Variants in PCSK5 observed in about 807,000 individuals in gnomAD.
PCSK5 encodes prohormone convertase 5.
In PCSK5, 129 loss-of-function variants were observed where a neutral mutation model predicts 233.2. The ratio of observed to expected loss-of-function variants is 0.55; its 90% CI spans 0.48 to 0.64. The LOEUF is 0.64. Ranked by LOEUF, PCSK5 falls within the 30% of genes least tolerant of loss-of-function variation. The pLI, the probability that PCSK5 is intolerant of heterozygous loss-of-function variation, is 0.00. For synonymous variants in PCSK5, 825 were observed against 879.2 expected, an observed-to-expected ratio of 0.94 and a Z score of 1.09; for missense variants, 2,076 against 2,430.1, an observed-to-expected ratio of 0.85 and a Z score of 3.06.
At chr9:76,108,667 C>T (rs932522070) in intron 9 of PCSK5, among the ~76,000 whole-genome samples, 16 of 152,162 alleles carry the variant, frequency 1.1e-4, no homozygotes, top group Non-Finnish European at 1.9e-4. Flanking sequence ...GCAGGGAAAT[C>T]GCTTGCACCC....
intron 1 of PCSK5, among the ~76,000 whole-genome samples, chr9:75,919,135 C>CA (rs766807387): frequency 6.6e-6 from 1 of 152,198 alleles, no homozygotes; most frequent in Non-Finnish European, 1.5e-5. Flanking sequence ...CCTCACCTCT[C>CA]ACCTCTCACC....
chr9:76,287,748 C>G (rs549631116), intron 24 of PCSK5: 1 of 164,298 alleles, frequency 6.1e-6, no homozygotes, highest in African/African-American at 2.4e-5. Context: ...CATGAGCCAC[C>G]GCGCCCGGCC....
At chr9:76,185,040 G>A (rs937438576) in intron 17 of PCSK5, among the ~76,000 whole-genome samples, 1 of 152,202 alleles carries the variant, frequency 6.6e-6, no homozygotes, top group Non-Finnish European at 1.5e-5. Context: ...GGCATTCTTT[G>A]TGCTTTTTAA....
At chr9:76,282,291 A>G (rs1381345729) in intron 24 of PCSK5, among the ~76,000 whole-genome samples, 1 of 119,724 alleles carries the variant, frequency 8.4e-6, no homozygotes. Context: ...CCAATTTTTT[A>G]TTTTATTTCC....
At chr9:76,235,099 C>A (rs1264111499) in intron 22 of PCSK5, among the ~76,000 whole-genome samples, 1 of 152,128 alleles carries the variant, frequency 6.6e-6, no homozygotes, top group Non-Finnish European at 1.5e-5. Flanking sequence ...TACCTTGTTT[C>A]TGCTGTATTT....
intron 34 of PCSK5, among the ~76,000 whole-genome samples, chr9:76,335,408 A>G (rs560713244): frequency 4.6e-5 from 7 of 152,348 alleles, no homozygotes; most frequent in African/African-American, 1.4e-4. Flanking sequence ...TCAGTGTTCC[A>G]CATGCTTGGC....
chr9:76,185,213 C>T (rs1369694376), intron 17 of PCSK5, among the ~76,000 whole-genome samples: 1 of 152,188 alleles, frequency 6.6e-6, no homozygotes, highest in African/African-American at 2.4e-5. Context: ...GGCTTGGTTC[C>T]ATTATGCTAT....
At chr9:76,070,939 T>G (rs1002446110) in intron 6 of PCSK5, among the ~76,000 whole-genome samples, 10 of 152,200 alleles carry the variant, frequency 6.6e-5, no homozygotes, top group African/African-American at 2.4e-4. Context: ...GAAGGAGAGA[T>G]ATGTTTACTT....
At chr9:76,103,702 A>AG (rs1291267241) in intron 8 of PCSK5, among the ~76,000 whole-genome samples, 7 of 152,312 alleles carry the variant, frequency 4.6e-5, no homozygotes, top group Admixed American at 3.3e-4. Flanking sequence ...ATCCTGAGAG[A>AG]CGCTGAAAAT....
chr9:75,977,647 G>T (rs1287449895), intron 2 of PCSK5, among the ~76,000 whole-genome samples: 1 of 149,800 alleles, frequency 6.7e-6, no homozygotes, highest in African/African-American at 2.5e-5. Flanking sequence ...GTCTCACTCT[G>T]TGACCCAGGC....
intron 2 of PCSK5, among the ~76,000 whole-genome samples, chr9:75,984,045 C>T (rs6560479): frequency 4.6e-5 from 7 of 152,088 alleles, no homozygotes; most frequent in Middle Eastern, 3.4e-3. Context: ...AGTGACTTGT[C>T]GTCAAATCTA....
At chr9:75,966,528 CT>C (rs1284046055) in intron 2 of PCSK5, among the ~76,000 whole-genome samples, 4 of 152,170 alleles carry the variant, frequency 2.6e-5, no homozygotes, top group Admixed American at 1.3e-4. Flanking sequence ...TGAAAAAAGT[CT>C]TTCTTCTCGC....
chr9:76,198,469 TTC>T (rs1280431112), intron 20 of PCSK5, among the ~76,000 whole-genome samples: 1 of 152,200 alleles, frequency 6.6e-6, no homozygotes, highest in Non-Finnish European at 1.5e-5. Context: ...CCGATAGACA[TTC>T]ATTTTCTGAT....
chr9:76,080,441 C>A (rs2131618782), intron 7 of PCSK5, among the ~76,000 whole-genome samples: 1 of 152,342 alleles, frequency 6.6e-6, no homozygotes, highest in East Asian at 1.9e-4. Context: ...ACAATAGTAT[C>A]TGGCACTCAG....
intron 20 of PCSK5, among the ~76,000 whole-genome samples, chr9:76,197,069 G>T (rs992496143): frequency 6.6e-6 from 1 of 152,270 alleles, no homozygotes; most frequent in South Asian, 2.1e-4. Context: ...GGAAGAGAGC[G>T]GGAAGAACAT....
At chr9:75,900,594 GC>G (rs1825983610) in intron 1 of PCSK5, among the ~76,000 whole-genome samples, 1 of 149,230 alleles carries the variant, frequency 6.7e-6, no homozygotes. Context: ...TGGGACAGTT[GC>G]TTGAGCCCGG....
In PCSK5 at chr9:76,328,128, T is replaced by C. The variant is rs758332230; in HGVS notation, c.4459T>C (p.Tyr1487His). The C allele has an allele frequency of 2.5e-6, 4 of 1,612,724 alleles. No homozygotes were observed. Among genetic ancestry groups the C allele is most frequent in the South Asian group, 1.1e-5 (1 of 91,072 alleles). The change falls in exon 33 of 38, where the codon TAC becomes CAC. Residue 1487 changes from tyrosine to histidine, a missense_variant. By Grantham distance (83) the Tyr-to-His change is moderately conservative. Around this residue, in one of 6 missense-constraint regions of PCSK5, gnomAD observed 1,510 missense variants for 1,538.1 expected, o/e 0.98. Coordinates refer to ENST00000674117, the MANE Select transcript of PCSK5 (RefSeq NM_001372043.1). ...CAACGAGAAGTGCTCACCCTCCGAG[T>C]ACTGGGATGAGGATGCTCCCGGGTG... ...MANEKCSPSE[Y>H]WDEDAPGCKP...
intron 20 of PCSK5, chr9:76,205,139 T>C (rs1416918049): frequency 1.9e-6 from 1 of 518,976 alleles, no homozygotes; most frequent in Admixed American, 1.9e-5. Flanking sequence ...CATTGTCAGG[T>C]ATTTTTTCCC....
intron 10 of PCSK5, among the ~76,000 whole-genome samples, chr9:76,145,103 C>T (rs777834853): frequency 1.6e-4 from 24 of 151,994 alleles, no homozygotes; most frequent in Admixed American, 2.6e-4. Context: ...CCAGTCTGAG[C>T]GACAGAGCAA....
Sources: allele counts gnomAD v4.1 joint callset (sites outside exome capture counted in the v4.1 genomes callset), GRCh38; gene constraint gnomAD v4.1.1; regional missense constraint gnomAD v4.1.1; transcripts MANE v1.5; gene names NCBI Gene and HGNC (gene_info 2026-07-23, HGNC 2026-07-21).